PTPRM: variants seen among roughly 807,000 people sequenced by gnomAD.
PTPRM encodes protein tyrosine phosphatase receptor type M.
In PTPRM, 47 loss-of-function variants were observed where a neutral mutation model predicts 186.7. The ratio of observed to expected loss-of-function variants is 0.25; its 90% CI spans 0.20 to 0.32. The LOEUF (loss-of-function observed/expected upper bound fraction) is 0.32, where lower values mean the gene tolerates loss of function less well. Ranked by LOEUF, PTPRM falls within the 10% of genes least tolerant of loss-of-function variation. The pLI is 1.00. For synonymous variants in PTPRM, 668 were observed against 674.9 expected, an observed-to-expected ratio of 0.99 and a Z score of 0.16; for missense variants, 1,494 against 1,865.0, an observed-to-expected ratio of 0.80 and a Z score of 3.66.
intron 1 of PTPRM, among the ~76,000 whole-genome samples, chr18:7,590,556 G>A (rs973546434): frequency 6.6e-6 from 1 of 152,192 alleles, no homozygotes; most frequent in Non-Finnish European, 1.5e-5. Flanking sequence ...ATTTGGAGAA[G>A]TAAAAAAATT....
chr18:7,842,959 G>T lies in PTPRM; in HGVS notation c.197-45147G>T, dbSNP rs1361351031. Among the ~76,000 whole-genome samples, 81 of 143,432 alleles carry T rather than the reference G, an allele frequency of 5.6e-4. 2 individuals are homozygous for T. The East Asian group carries it at 0.012, about 22-fold the overall frequency. The allele number at this position is 143,432 out of a possible 152,430, so 94.1% of individuals were successfully genotyped here. On this transcript the variant is annotated intron_variant, in intron 2 of 32. Coordinates refer to ENST00000580170, the MANE Select transcript of PTPRM (RefSeq NM_001105244.2). The stretch of plus-strand genomic sequence containing the variant: ...ATATATATATATATAGAGAGAGAGA[G>T]AGAGAGAGAGAGAGAGAGAGATTAT...
intron 31 of PTPRM, among the ~76,000 whole-genome samples, chr18:8,389,479 G>A (rs566431529): frequency 1.1e-3 from 166 of 152,286 alleles, no homozygotes; most frequent in Non-Finnish European, 1.5e-3. Context: ...CACAGTGGAC[G>A]GTGGGAGGCA....
chr18:8,121,869 A>G (rs1325599403), intron 13 of PTPRM: 1 of 152,220 alleles, frequency 6.6e-6, no homozygotes, highest in Non-Finnish European at 1.5e-5. Flanking sequence ...TTAACAATGA[A>G]TCTTTCAGCA....
chr18:7,762,255 C>A (rs2041810109), intron 1 of PTPRM, among the ~76,000 whole-genome samples: 2 of 152,012 alleles, frequency 1.3e-5, no homozygotes, highest in East Asian at 3.9e-4. Flanking sequence ...CCCTCAGCAA[C>A]AGGTACCTGG....
chr18:8,167,013 T>G (rs1250495435), intron 14 of PTPRM, among the ~76,000 whole-genome samples: 1 of 152,212 alleles, frequency 6.6e-6, no homozygotes, highest in African/African-American at 2.4e-5. Flanking sequence ...AGAAGCACCC[T>G]GCAAAGCCAA....
At position 8,061,019 on chromosome 18, in the gene PTPRM, TTC is replaced by T. The variant is rs2088452436; in HGVS notation, c.1133-8665_1133-8664del. 5.0e-5 allele frequency among the ~76,000 whole-genome samples: 2 copies of T among 40,310 alleles called. 1 individual carries two copies. The highest frequency in any genetic ancestry group is 2.3e-4 in the African/African-American group (2 of 8,632). The allele number at this position is 40,310 out of a possible 152,430, so 26.4% of individuals were successfully genotyped here. On this transcript the variant is annotated intron_variant, in intron 7 of 32. Transcript: ENST00000580170. The stretch of plus-strand genomic sequence containing the variant: ...CAATTCCTGGGTATCCTTGTTGACT[TTC>T]TGTCTCGTTGATCTGTCTAATGTTG...
intron 14 of PTPRM, among the ~76,000 whole-genome samples, chr18:8,200,566 G>A (rs1472041482): frequency 2.0e-5 from 3 of 152,250 alleles, no homozygotes; most frequent in South Asian, 2.1e-4. Flanking sequence ...TGAACACACC[G>A]CACGCAGCCC....
intron 7 of PTPRM, among the ~76,000 whole-genome samples, chr18:7,976,271 A>G (rs2054932433): frequency 6.6e-6 from 1 of 152,250 alleles, no homozygotes; most frequent in African/African-American, 2.4e-5. Context: ...TGGATACAGT[A>G]AAAAATATCA....
At chr18:7,810,288 T>A (rs903179156) in intron 2 of PTPRM, among the ~76,000 whole-genome samples, 10 of 152,190 alleles carry the variant, frequency 6.6e-5, no homozygotes, top group African/African-American at 1.9e-4. Flanking sequence ...ACAAACTGAA[T>A]TTTCCCCTGG....
intron 11 of PTPRM, among the ~76,000 whole-genome samples, chr18:8,109,577 T>A (rs1231623458): frequency 6.6e-6 from 1 of 152,200 alleles, no homozygotes; most frequent in Non-Finnish European, 1.5e-5. Flanking sequence ...AATTCTTAAA[T>A]TTTCACCTAA....
At chr18:8,285,114 A>G (rs1213541381) in intron 19 of PTPRM, among the ~76,000 whole-genome samples, 3 of 152,192 alleles carry the variant, frequency 2.0e-5, no homozygotes, top group South Asian at 2.1e-4. Context: ...TACAAGTTCT[A>G]CACATTCTAC....
intron 23 of PTPRM, 97 bp from the exon 24 acceptor site, chr18:8,370,793 G>A (rs1309996896): frequency 1.5e-6 from 1 of 647,564 alleles, no homozygotes; most frequent in South Asian, 2.4e-5. Flanking sequence ...ACTTTTGTGT[G>A]CAAATTTTGT....
intron 7 of PTPRM, among the ~76,000 whole-genome samples, chr18:8,010,172 T>G (rs896412528): frequency 2.6e-5 from 4 of 152,172 alleles, no homozygotes; most frequent in Non-Finnish European, 5.9e-5. Flanking sequence ...CATCCTAGAC[T>G]AGGTGACTTT....
chr18:7,989,244 A>G (rs2083132798), intron 7 of PTPRM, among the ~76,000 whole-genome samples: 1 of 152,076 alleles, frequency 6.6e-6, no homozygotes, highest in African/African-American at 2.4e-5. Flanking sequence ...AGGAAAAACT[A>G]AATGACTTCT....
intron 1 of PTPRM, among the ~76,000 whole-genome samples, chr18:7,679,446 C>T (rs2039427745): frequency 6.6e-6 from 1 of 152,070 alleles, no homozygotes; most frequent in Non-Finnish European, 1.5e-5. Context: ...AAGTGGATCA[C>T]TTAAGGTCAT....
At chr18:8,391,337 A>G (rs1245279866) in intron 31 of PTPRM, among the ~76,000 whole-genome samples, 4 of 152,244 alleles carry the variant, frequency 2.6e-5, no homozygotes, top group African/African-American at 9.6e-5. Flanking sequence ...AAAAACTGGA[A>G]ACAGCCCAAA....
intron 28 of PTPRM, among the ~76,000 whole-genome samples, chr18:8,379,578 C>T (rs2095718579): frequency 6.6e-6 from 1 of 152,200 alleles, no homozygotes; most frequent in African/African-American, 2.4e-5. Flanking sequence ...GGCACAGTTG[C>T]CCTCTGAGAG....
chr18:8,396,767 A>G (rs745706120), intron 32 of PTPRM, among the ~76,000 whole-genome samples: 1 of 152,218 alleles, frequency 6.6e-6, no homozygotes, highest in Non-Finnish European at 1.5e-5. Flanking sequence ...GGAGAAAACT[A>G]TGTGACATAT....
At chr18:8,252,839 A>G (rs1442019140) in intron 18 of PTPRM, among the ~76,000 whole-genome samples, 3 of 152,190 alleles carry the variant, frequency 2.0e-5, no homozygotes, top group African/African-American at 7.2e-5. Flanking sequence ...ACATTTGTGC[A>G]GAGTTTATTT....
Sources: gnomAD v4.1 joint callset for allele counts (sites outside exome capture counted in the v4.1 genomes callset) on GRCh38, gnomAD v4.1.1 for gene constraint, MANE v1.5 for transcripts, NCBI Gene and HGNC (gene_info 2026-07-23, HGNC 2026-07-21) for gene names.